Variants in SORCS2 observed in about 807,000 individuals in gnomAD.
SORCS2 encodes sortilin related VPS10 domain containing receptor 2, also known as VPS10 domain-containing receptor SorCS2.
SORCS2 carries 100 observed loss-of-function variants against 141.6 expected under a neutral mutation model. The observed-to-expected ratio is 0.71, with a 90% CI of 0.60 to 0.83. The LOEUF (loss-of-function observed/expected upper bound fraction) is 0.83, where lower values mean the gene tolerates loss of function less well. Ranked by LOEUF, SORCS2 falls within the 40% of genes least tolerant of loss-of-function variation. The pLI is 0.00. For missense variants in SORCS2, 1,646 were observed against 1,560.2 expected (o/e 1.05, Z -0.93); for synonymous variants, 789 against 676.9 (o/e 1.17, Z -2.57).
At chr4:7,269,434 A>G (rs62279430) in intron 1 of SORCS2, among the ~76,000 whole-genome samples, 46,173 of 152,152 alleles carry the variant, frequency 0.3, 7,254 homozygotes, top group African/African-American at 0.34. Flanking sequence ...ATCTGTGAAC[A>G]CGATCTTATT....
At chr4:7,419,541 A>G (rs972438468) in intron 2 of SORCS2, among the ~76,000 whole-genome samples, 5 of 152,200 alleles carry the variant, frequency 3.3e-5, no homozygotes, top group Admixed American at 1.3e-4. Flanking sequence ...TCCTCTGCCT[A>G]TTTGCAAAGC....
At chr4:7,632,136 C>T (rs1481937504) in intron 3 of SORCS2, among the ~76,000 whole-genome samples, 9 of 152,208 alleles carry the variant, frequency 5.9e-5, no homozygotes, top group Non-Finnish European at 1.3e-4. Flanking sequence ...ATAAGGGACT[C>T]ACCTGACCAT....
At chr4:7,224,175 T>C (rs1034845052) in intron 1 of SORCS2, among the ~76,000 whole-genome samples, 1 of 152,114 alleles carries the variant, frequency 6.6e-6, no homozygotes, top group Non-Finnish European at 1.5e-5. Flanking sequence ...GAAGCTTGGC[T>C]CTGCCCAGGT....
At chr4:7,586,907 A>G (rs889050010) in intron 3 of SORCS2, among the ~76,000 whole-genome samples, 6 of 152,128 alleles carry the variant, frequency 3.9e-5, no homozygotes, top group Admixed American at 1.3e-4. Context: ...CAGAGACAGC[A>G]TCTTTCACTG....
intron 2 of SORCS2, among the ~76,000 whole-genome samples, chr4:7,443,263 T>G (rs1321838928): frequency 1.3e-5 from 2 of 152,184 alleles, no homozygotes; most frequent in Non-Finnish European, 2.9e-5. Flanking sequence ...ACCTTGACCT[T>G]AAACTCAACT....
At chr4:7,640,578 C>T (rs1290552182) in intron 4 of SORCS2, among the ~76,000 whole-genome samples, 1 of 150,416 alleles carries the variant, frequency 6.6e-6, no homozygotes, top group Non-Finnish European at 1.5e-5. Flanking sequence ...TGTAAGGACT[C>T]GGGCCTTCGT....
At position 7,367,140 on chromosome 4, in the gene SORCS2, C is replaced by T. The variant is rs533364187; in HGVS notation, c.481-29148C>T. 3.3e-5 allele frequency among the ~76,000 whole-genome samples: 5 copies of T among 152,314 alleles called. No individual in the cohort carries two copies. In the South Asian group the frequency reaches 8.3e-4, roughly 25 times the overall value. ...TGTGGCCCCAGCAATGACATTATCA[C>T]CTTGGCTGCATTAACAGAAGTATAG... On this transcript the variant is annotated intron_variant, in intron 1 of 26. Coordinates refer to ENST00000507866, the MANE Select transcript of SORCS2 (RefSeq NM_020777.3).
In SORCS2 at chr4:7,661,582, C is replaced by G. The variant is rs1722172387; in HGVS notation, c.952+18C>G. ...CGGTGGAGGTAAGCCGGGCAGTGCA[C>G]AGGCACCGGGTATCCCTGAGTCACC... is the stretch of plus-strand genomic sequence containing the variant. On this transcript the variant is annotated intron_variant, in intron 6 of 26. Transcript: ENST00000507866. The G allele has an allele frequency of 1.3e-6, 2 of 1,551,058 alleles. No homozygotes were observed. The highest frequency in any genetic ancestry group is 1.4e-5 in the African/African-American group (1 of 73,006).
At chr4:7,590,575 G>A (rs1203865356) in intron 3 of SORCS2, among the ~76,000 whole-genome samples, 7 of 152,196 alleles carry the variant, frequency 4.6e-5, no homozygotes, top group Admixed American at 4.6e-4. Context: ...GAGCCTCAAA[G>A]GTTCTGTGGG....
intron 1 of SORCS2, among the ~76,000 whole-genome samples, chr4:7,198,862 G>A (rs1577265878): frequency 6.6e-6 from 1 of 152,116 alleles, no homozygotes; most frequent in Admixed American, 6.5e-5. Context: ...GGGAAGTCTC[G>A]GCGTGCAAAC....
chr4:7,426,079 C>A (rs1726413942), intron 2 of SORCS2, among the ~76,000 whole-genome samples: 1 of 152,194 alleles, frequency 6.6e-6, no homozygotes, highest in South Asian at 2.1e-4. Context: ...TTTTCATTCT[C>A]CATCGCTTGC....
At chr4:7,446,460 G>A (rs561383407) in intron 2 of SORCS2, among the ~76,000 whole-genome samples, 37 of 152,356 alleles carry the variant, frequency 2.4e-4, no homozygotes, top group African/African-American at 8.2e-4. Context: ...TTGAGTATTT[G>A]TGAGTGTTGG....
rs570121288 is a variant in SORCS2 at position 7,707,143 on chromosome 4, A to G, written c.1868+2859A>G. Reference sequence around the variant, plus strand: ...GGGCCGAGCAGAGGTGGGACCCCCTATGAGGATGCTCTTCTGCTCTGCCAT... The same window carrying G: ...GGGCCGAGCAGAGGTGGGACCCCCTGTGAGGATGCTCTTCTGCTCTGCCAT... On this transcript the variant is annotated intron_variant, in intron 14 of 26. Transcript: ENST00000507866. Among the ~76,000 whole-genome samples, 8 of 152,328 alleles carry G rather than the reference A, an allele frequency of 5.3e-5. No homozygotes were observed. In the South Asian group the frequency reaches 1.5e-3, roughly 28 times the overall value.
At chr4:7,616,663 A>C (rs148188755) in intron 3 of SORCS2, among the ~76,000 whole-genome samples, 91 of 152,356 alleles carry the variant, frequency 6.0e-4, no homozygotes, top group African/African-American at 2.1e-3. Context: ...CCCTGAATGG[A>C]TGTTTTTTCT....
chr4:7,303,672 C>T (rs1019263615), intron 1 of SORCS2, among the ~76,000 whole-genome samples: 4 of 152,222 alleles, frequency 2.6e-5, no homozygotes, highest in Non-Finnish European at 5.9e-5. Context: ...GTTGAGTTGG[C>T]GAGCTGCCCA....
chr4:7,538,391 G>T (rs1269300593), intron 3 of SORCS2, among the ~76,000 whole-genome samples: 1 of 152,206 alleles, frequency 6.6e-6, no homozygotes, highest in Non-Finnish European at 1.5e-5. Context: ...GCAATGCTCA[G>T]ATCAGCTTCG....
intron 1 of SORCS2, among the ~76,000 whole-genome samples, chr4:7,375,394 G>A (rs143914762): frequency 2.2e-4 from 34 of 152,354 alleles, no homozygotes; most frequent in African/African-American, 7.5e-4. Context: ...GCTACATCCC[G>A]TGTTGGGTGA....
chr4:7,741,394 C>T lies in SORCS2; in HGVS notation c.*1130C>T, dbSNP rs1237358722. 1 of 194,634 alleles carries T rather than the reference C, an allele frequency of 5.1e-6. No homozygotes were observed. Among genetic ancestry groups the T allele is most frequent in the Non-Finnish European group, 9.9e-6 (1 of 100,600 alleles). The allele number at this position is 194,634 out of a possible 1,614,324, so 12.1% of individuals were successfully genotyped here. A position where few individuals can be genotyped will look rare whatever the true frequency, so the allele number is the denominator to read the frequency against. ...CGCCAGTGCTGTGCGGTCTCCACACCCTTACGGTTTCCTAGAATCAGGGAT... is the reference window on the plus strand; with the variant it reads ...CGCCAGTGCTGTGCGGTCTCCACACTCTTACGGTTTCCTAGAATCAGGGAT... On this transcript the variant is annotated 3_prime_UTR_variant, in exon 27 of 27. Coordinates refer to ENST00000507866, the MANE Select transcript of SORCS2 (RefSeq NM_020777.3).
intron 1 of SORCS2, among the ~76,000 whole-genome samples, chr4:7,280,589 C>T (rs1362286147): frequency 2.6e-5 from 4 of 152,238 alleles, no homozygotes; most frequent in Middle Eastern, 3.4e-3. Flanking sequence ...GTTTGGATGG[C>T]GTGGTAAGAA....
Sources: allele counts gnomAD v4.1 joint callset (sites outside exome capture counted in the v4.1 genomes callset), GRCh38; gene constraint gnomAD v4.1.1; transcripts MANE v1.5; gene names NCBI Gene and HGNC (gene_info 2026-07-23, HGNC 2026-07-21).